Variants in RANBP17 observed in about 807,000 individuals in gnomAD.
RANBP17 encodes the protein ran-binding protein 17.
A neutral mutation model predicts 141.2 loss-of-function variants in RANBP17; 158 were observed. That is an observed-to-expected ratio of 1.12 (90% CI 0.98 to 1.28). The LOEUF is 1.28. RANBP17 is among the 50% of genes most tolerant of loss of function. The pLI is 0.00. For synonymous variants in RANBP17, 430 were observed against 450.0 expected (o/e 0.96, Z 0.56); for missense variants, 1,438 against 1,290.7 (o/e 1.11, Z -1.75).
Position 171,195,503 on chromosome 5 carries a change from A to G in RANBP17, c.2039-4167A>G, listed in dbSNP as rs952024208. Among the ~76,000 whole-genome samples, 8 of 152,372 alleles carry G rather than the reference A, an allele frequency of 5.3e-5. No homozygotes were observed. In the East Asian group the frequency reaches 1.5e-3, roughly 29 times the overall value. On this transcript the variant is annotated intron_variant, in intron 18 of 27. Transcript: ENST00000523189. ...GCTGACTAAAAACGTAAACATTTCTATAGTATAATGCACCAATGTCTTATA... is the reference window on the plus strand; with the variant it reads ...GCTGACTAAAAACGTAAACATTTCTGTAGTATAATGCACCAATGTCTTATA...
intron 18 of RANBP17, among the ~76,000 whole-genome samples, chr5:171,188,047 T>C (rs1382155774): frequency 6.6e-6 from 1 of 152,256 alleles, no homozygotes; most frequent in African/African-American, 2.4e-5. Flanking sequence ...TGCTTTTTTT[T>C]CATGCTTTTC....
At chr5:171,260,300 C>CAA (rs35656692) in intron 24 of RANBP17, among the ~76,000 whole-genome samples, 16,770 of 108,292 alleles carry the variant, frequency 0.15, 1,678 homozygotes, top group East Asian at 0.27. Flanking sequence ...GACTCCATCT[C>CAA]AAAAAAAAAA....
At chr5:171,064,888 G>A (rs1581541756) in intron 14 of RANBP17, among the ~76,000 whole-genome samples, 1 of 151,860 alleles carries the variant, frequency 6.6e-6, no homozygotes, top group South Asian at 2.1e-4. Context: ...AAAAATCCTT[G>A]ATTTATTAAG....
intron 15 of RANBP17, 117 bp downstream of exon 15, chr5:171,170,320 A>G (rs1760014391): frequency 2.2e-6 from 1 of 462,942 alleles, no homozygotes; most frequent in East Asian, 3.5e-5. Context: ...ACTTAAAATT[A>G]TGCTTTGTTA....
At chr5:170,948,045 G>C (rs1225875864) in intron 12 of RANBP17, among the ~76,000 whole-genome samples, 1 of 152,158 alleles carries the variant, frequency 6.6e-6, no homozygotes, top group Non-Finnish European at 1.5e-5. Context: ...ACCATGCTAA[G>C]TATTGAAAAT....
At chr5:171,089,824 C>G (rs184322803) in intron 14 of RANBP17, among the ~76,000 whole-genome samples, 20 of 152,348 alleles carry the variant, frequency 1.3e-4, no homozygotes, top group Middle Eastern at 3.4e-3. Context: ...GGCTCGCGCA[C>G]GGTGCGTGCA....
At chr5:170,971,616 C>G (rs1776995640) in intron 14 of RANBP17, among the ~76,000 whole-genome samples, 1 of 152,192 alleles carries the variant, frequency 6.6e-6, no homozygotes, top group Non-Finnish European at 1.5e-5. Flanking sequence ...TTTTAGAACT[C>G]TGTCTTCCTA....
chr5:170,911,489 A>G, intron 7 of RANBP17: 1 of 701,728 alleles, frequency 1.4e-6, no homozygotes, highest in Non-Finnish European at 2.7e-6. Context: ...TGCTGGTCAA[A>G]CCTTTAAATC....
intron 18 of RANBP17, among the ~76,000 whole-genome samples, chr5:171,193,937 C>T (rs976942910): frequency 1.3e-5 from 2 of 152,162 alleles, no homozygotes; most frequent in Non-Finnish European, 1.5e-5. Flanking sequence ...GGTAATTATT[C>T]GTATTCTACC....
Position 170,916,496 on chromosome 5 carries a change from C to G in RANBP17, c.866C>G (p.Thr289Arg). The G allele has an allele frequency of 3.8e-6, 6 of 1,571,518 alleles. No homozygotes were observed. The highest frequency in any genetic ancestry group is 1.4e-5 in the African/African-American group (1 of 73,570). ...ALSCLVQFAS[T>R]RRSLFNSPER... Reference sequence around the variant, plus strand: ...TCATGTTTAGTTCAGTTTGCTTCGACAAGAAGGTCCTTATTTAACAGTCCT... The same window carrying G: ...TCATGTTTAGTTCAGTTTGCTTCGAGAAGAAGGTCCTTATTTAACAGTCCT... Residue 289 changes from threonine to arginine, a missense_variant, in exon 9 of 28, where the codon ACA (threonine) becomes AGA (arginine). Coordinates refer to ENST00000523189, the MANE Select transcript of RANBP17 (RefSeq NM_022897.5).
At chr5:171,261,980 A>G (rs1309736259) in intron 24 of RANBP17, among the ~76,000 whole-genome samples, 4 of 152,164 alleles carry the variant, frequency 2.6e-5, no homozygotes, top group African/African-American at 7.2e-5. Context: ...GTCCTCAACC[A>G]TAAATCAACC....
chr5:170,983,403 A>G (rs1777907537), intron 14 of RANBP17, among the ~76,000 whole-genome samples: 1 of 152,224 alleles, frequency 6.6e-6, no homozygotes, highest in African/African-American at 2.4e-5. Context: ...GTAAATGAAA[A>G]GGAAGTCAAA....
chr5:170,862,995 T>A (rs1252902202), intron 1 of RANBP17, among the ~76,000 whole-genome samples: 2 of 152,160 alleles, frequency 1.3e-5, no homozygotes, highest in African/African-American at 4.8e-5. Flanking sequence ...AGCTGAGAGA[T>A]GCTTTAAGAT....
At chr5:170,862,465 G>A (rs116068935) in intron 1 of RANBP17, among the ~76,000 whole-genome samples, 4,617 of 152,310 alleles carry the variant, frequency 0.03, 235 homozygotes, top group African/African-American at 0.1. Flanking sequence ...CCGCCTTCCC[G>A]CCGCGTCGCC....
chr5:170,868,989 T>C (rs1465024653), intron 1 of RANBP17, among the ~76,000 whole-genome samples: 9 of 152,192 alleles, frequency 5.9e-5, no homozygotes, highest in Non-Finnish European at 7.3e-5. Flanking sequence ...GTATACCAGG[T>C]ATAAGTTTGT....
At chr5:171,019,736 A>T (rs1780716309) in intron 14 of RANBP17, among the ~76,000 whole-genome samples, 1 of 148,722 alleles carries the variant, frequency 6.7e-6, no homozygotes, top group Non-Finnish European at 1.5e-5. Flanking sequence ...ATTTTTTTGG[A>T]GGGGTTTCCA....
chr5:171,047,836 G>T (rs1329604750), intron 14 of RANBP17, among the ~76,000 whole-genome samples: 1 of 151,872 alleles, frequency 6.6e-6, no homozygotes, highest in Admixed American at 6.6e-5. Flanking sequence ...TATGTAGCTT[G>T]TTTTTTTCAT....
At chr5:171,238,061 C>T (rs755027492) in intron 22 of RANBP17, among the ~76,000 whole-genome samples, 3 of 152,110 alleles carry the variant, frequency 2.0e-5, no homozygotes, top group East Asian at 1.9e-4. Flanking sequence ...CTTTTATTAT[C>T]GCCATGGAAT....
intron 14 of RANBP17, among the ~76,000 whole-genome samples, chr5:171,139,289 A>G: frequency 6.6e-6 from 1 of 152,126 alleles, no homozygotes; most frequent in East Asian, 1.9e-4. Flanking sequence ...AAATAATTTT[A>G]TATAGTTAGA....
Sources: gnomAD v4.1 joint callset for allele counts (sites outside exome capture counted in the v4.1 genomes callset) on GRCh38, gnomAD v4.1.1 for gene constraint, MANE v1.5 for transcripts, NCBI Gene and HGNC (gene_info 2026-07-23, HGNC 2026-07-21) for gene names.